Variants in ST6GALNAC3 observed in about 807,000 individuals in gnomAD.
ST6GALNAC3 encodes the protein ST6 N-acetylgalactosaminide alpha-2,6-sialyltransferase 3.
ST6GALNAC3 carries 25 observed loss-of-function variants against 32.7 expected under a neutral mutation model. The observed-to-expected ratio is 0.76, with a 90% CI of 0.56 to 1.07. ST6GALNAC3 has a LOEUF of 1.07. Among genes scored for constraint, ST6GALNAC3 ranks in the 50% least tolerant of loss-of-function variants. ST6GALNAC3 has a pLI of 0.00. For synonymous variants in ST6GALNAC3, 129 were observed against 133.1 expected (o/e 0.97, Z 0.21); for missense variants, 355 against 382.4 (o/e 0.93, Z 0.60).
chr1:76,371,283 G>A (rs72675997), intron 2 of ST6GALNAC3, among the ~76,000 whole-genome samples: 1 of 152,082 alleles, frequency 6.6e-6, no homozygotes, highest in African/African-American at 2.4e-5. Context: ...TATTTTAATG[G>A]CATCATTATA....
intron 1 of ST6GALNAC3, among the ~76,000 whole-genome samples, chr1:76,313,476 G>A (rs1646807001): frequency 6.6e-6 from 1 of 152,090 alleles, no homozygotes; most frequent in Non-Finnish European, 1.5e-5. Flanking sequence ...AGGGGATTGA[G>A]CAATTAGAAA....
chr1:76,288,269 G>A (rs374097523), intron 1 of ST6GALNAC3, among the ~76,000 whole-genome samples: 5 of 152,292 alleles, frequency 3.3e-5, no homozygotes, highest in South Asian at 4.1e-4. Flanking sequence ...ACCCAGTAAC[G>A]ATGTGTTTGT....
At chr1:76,313,736 A>C in intron 1 of ST6GALNAC3, 69 bp from the exon 2 acceptor site, 112 of 1,422,276 alleles carry the variant, frequency 7.9e-5, no homozygotes, top group Non-Finnish European at 1.0e-4. Flanking sequence ...GAATAAAGGA[A>C]CCTCCTTCTG....
At chr1:76,600,498 A>G (rs920487733) in intron 3 of ST6GALNAC3, among the ~76,000 whole-genome samples, 3 of 152,138 alleles carry the variant, frequency 2.0e-5, no homozygotes, top group Non-Finnish European at 2.9e-5. Context: ...CTAGGGACAC[A>G]AGAACTGATA....
chr1:76,561,744 C>T (rs1028628357), intron 3 of ST6GALNAC3, among the ~76,000 whole-genome samples: 1 of 152,162 alleles, frequency 6.6e-6, no homozygotes, highest in Admixed American at 6.5e-5. Context: ...AGAGGCCACA[C>T]ATGATTCAGT....
intron 1 of ST6GALNAC3, among the ~76,000 whole-genome samples, chr1:76,143,746 C>G (rs956623984): frequency 2.6e-5 from 4 of 152,048 alleles, no homozygotes; most frequent in Admixed American, 2.6e-4. Flanking sequence ...CAGATGGGGT[C>G]ACTGTCCCCC....
chr1:76,445,325 G>A (rs1656896479), intron 3 of ST6GALNAC3, among the ~76,000 whole-genome samples: 1 of 152,056 alleles, frequency 6.6e-6, no homozygotes, highest in Non-Finnish European at 1.5e-5. Flanking sequence ...AAATCCTCAG[G>A]TCTCACCCCA....
chr1:76,536,654 C>CAAAAAAAAAAAAAAAAAAA (rs35157329), intron 3 of ST6GALNAC3, among the ~76,000 whole-genome samples: 1 of 57,614 alleles, frequency 1.7e-5, no homozygotes, highest in African/African-American at 6.3e-5. Context: ...AAATGGAAAG[C>CAAAAAAAAAAAAAAAAAAA]AAAAAAAAAA....
intron 1 of ST6GALNAC3, among the ~76,000 whole-genome samples, chr1:76,207,870 A>AT (rs1232668391): frequency 2.0e-5 from 3 of 152,122 alleles, no homozygotes; most frequent in Non-Finnish European, 4.4e-5. Flanking sequence ...TGGCTGTTAG[A>AT]TTTTCACCTT....
intron 2 of ST6GALNAC3, among the ~76,000 whole-genome samples, chr1:76,319,920 G>A (rs1646935736): frequency 1.3e-5 from 2 of 152,140 alleles, no homozygotes; most frequent in African/African-American, 4.8e-5. Context: ...TATTGGATTT[G>A]TCATTTTAAG....
chr1:76,382,369 AGATT>A (rs1364619035), intron 2 of ST6GALNAC3, among the ~76,000 whole-genome samples: 2 of 152,218 alleles, frequency 1.3e-5, no homozygotes, highest in African/African-American at 4.8e-5. Flanking sequence ...AATAGATATC[AGATT>A]GATTATTTCA....
intron 1 of ST6GALNAC3, among the ~76,000 whole-genome samples, chr1:76,177,931 C>T (rs1029393089): frequency 2.6e-5 from 4 of 152,190 alleles, no homozygotes; most frequent in Admixed American, 2.6e-4. Flanking sequence ...CAGAAATAGT[C>T]ATCTAGCAGT....
chr1:76,598,935 T>G (rs1461306101), intron 3 of ST6GALNAC3, among the ~76,000 whole-genome samples: 2 of 152,232 alleles, frequency 1.3e-5, no homozygotes, highest in African/African-American at 4.8e-5. Context: ...ACTGCATTTC[T>G]ATGCTTTTCA....
intron 3 of ST6GALNAC3, among the ~76,000 whole-genome samples, chr1:76,580,973 G>A (rs1258061795): frequency 1.3e-5 from 2 of 152,116 alleles, no homozygotes; most frequent in Non-Finnish European, 2.9e-5. Context: ...TTTATGCCAA[G>A]AGGTTGAAAT....
At chr1:76,398,988 C>A (rs572070580) in intron 2 of ST6GALNAC3, among the ~76,000 whole-genome samples, 2 of 152,034 alleles carry the variant, frequency 1.3e-5, no homozygotes, top group East Asian at 3.9e-4. Context: ...ATGATAAGGA[C>A]CTTTTCTTGT....
chr1:76,586,683 C>T (rs1646967009), intron 3 of ST6GALNAC3, among the ~76,000 whole-genome samples: 1 of 152,138 alleles, frequency 6.6e-6, no homozygotes, highest in Non-Finnish European at 1.5e-5. Flanking sequence ...CTCCCTCTAC[C>T]CAAGGGACTT....
chr1:76,509,850 G>A lies in ST6GALNAC3; in HGVS notation c.623+97433G>A, dbSNP rs186641546. 3.6e-4 allele frequency among the ~76,000 whole-genome samples: 54 copies of A among 152,090 alleles called. No individual in the cohort carries two copies. In the East Asian group the frequency reaches 9.3e-3, roughly 26 times the overall value. On this transcript the variant is annotated intron_variant, in intron 3 of 4. Coordinates refer to ENST00000328299, the MANE Select transcript of ST6GALNAC3 (RefSeq NM_152996.4). The surrounding 1 kb of genome is among the most constrained non-coding windows in gnomAD (Gnocchi z 5.5). ...TTTAAGGACCCCCATGGTTACATTG[G>A]GCCAGAATAATCCTTCAAATTCAAG...
At position 76,200,703 on chromosome 1, in the gene ST6GALNAC3, T is replaced by C. The variant is rs556987405; in HGVS notation, c.19-113102T>C. 1.3e-4 allele frequency among the ~76,000 whole-genome samples: 20 copies of C among 152,132 alleles called. No individual in the cohort carries two copies. In the South Asian group the frequency reaches 2.1e-3, roughly 16 times the overall value. On this transcript the variant is annotated intron_variant, in intron 1 of 4. Transcript: ENST00000328299. ...AAAAATATAATAAATATAGGACATG[T>C]ATAATCTCACACAAGTTTGAAACTA...
intron 1 of ST6GALNAC3, among the ~76,000 whole-genome samples, chr1:76,309,563 G>T (rs1350660327): frequency 1.3e-5 from 2 of 152,138 alleles, no homozygotes; most frequent in East Asian, 3.9e-4. Context: ...AGGCACATGT[G>T]CATTGTATTC....
Sources: gnomAD v4.1 joint callset for allele counts (sites outside exome capture counted in the v4.1 genomes callset) on GRCh38, gnomAD v4.1.1 for gene constraint, Gnocchi (gnomAD v3.1) non-coding constraint, MANE v1.5 for transcripts, NCBI Gene and HGNC (gene_info 2026-07-23, HGNC 2026-07-21) for gene names.